The following AATF variants were observed in gnomAD, a reference collection of about 807,000 sequenced individuals.
AATF encodes protein AATF.
A neutral mutation model predicts 63.7 loss-of-function variants in AATF; 48 were observed. The ratio of observed to expected loss-of-function variants is 0.75; its 90% CI spans 0.60 to 0.96. The LOEUF is 0.96. AATF is among the 40% of genes least tolerant of loss of function. The probability of loss-of-function intolerance (pLI) is 0.00; values close to 1 mark genes in which losing one functional copy is unlikely to be tolerated. For synonymous variants in AATF, 258 were observed against 247.7 expected, an observed-to-expected ratio of 1.04 and a Z score of -0.39; for missense variants, 639 against 685.7, an observed-to-expected ratio of 0.93 and a Z score of 0.76.
intron 11 of AATF, among the ~76,000 whole-genome samples, chr17:37,033,268 T>C (rs909937776): frequency 1.3e-5 from 2 of 152,158 alleles, no homozygotes; most frequent in East Asian, 1.9e-4. Context: ...TGTTTAAAAA[T>C]TGCAGAGTAA....
intron 4 of AATF, among the ~76,000 whole-genome samples, chr17:36,956,751 C>T (rs1453577866): frequency 1.3e-5 from 2 of 151,764 alleles, no homozygotes; most frequent in Non-Finnish European, 1.5e-5. Context: ...CTGAGGCAGG[C>T]GGATCACTTT....
intron 4 of AATF, among the ~76,000 whole-genome samples, chr17:36,963,196 A>G (rs541243167): frequency 2.0e-5 from 3 of 152,326 alleles, no homozygotes; most frequent in African/African-American, 4.8e-5. Context: ...CACTTTATTC[A>G]GTGAGCGTAG....
intron 11 of AATF, chr17:37,056,381 C>T (rs1568001376): frequency 1.3e-5 from 7 of 537,828 alleles, no homozygotes; most frequent in South Asian, 1.3e-4. Context: ...TCCCTGGAGA[C>T]GGGTGTCCAG....
rs1043154371 is a variant in AATF at position 36,990,280 on chromosome 17, A to G, written c.1315-494A>G. ...TTTCCTAATGACCTCAAAGTATTCCATTGTATGGATATGCACTATCATTTA... is the reference window on the plus strand; with the variant it reads ...TTTCCTAATGACCTCAAAGTATTCCGTTGTATGGATATGCACTATCATTTA... On this transcript the variant is annotated intron_variant, in intron 7 of 11. Coordinates refer to ENST00000619387, the MANE Select transcript of AATF (RefSeq NM_012138.4). Among the ~76,000 whole-genome samples, 6 of 152,150 alleles carry G rather than the reference A, an allele frequency of 3.9e-5. No individual in the cohort carries two copies. In the South Asian group the frequency reaches 1.2e-3, roughly 32 times the overall value.
At chr17:37,010,143 G>C (rs989917155) in intron 8 of AATF, among the ~76,000 whole-genome samples, 4 of 152,058 alleles carry the variant, frequency 2.6e-5, no homozygotes, top group African/African-American at 7.2e-5. Flanking sequence ...ACACAGATAT[G>C]GTATTTTCTC....
At chr17:36,976,324 T>C (rs2071079770) in intron 4 of AATF, among the ~76,000 whole-genome samples, 1 of 152,184 alleles carries the variant, frequency 6.6e-6, no homozygotes, top group Non-Finnish European at 1.5e-5. Context: ...CCTCAAAGGA[T>C]TGTTAGAGGA....
At chr17:37,030,568 ACAT>A (rs2071544603) in intron 10 of AATF, among the ~76,000 whole-genome samples, 1 of 152,206 alleles carries the variant, frequency 6.6e-6, no homozygotes, top group East Asian at 1.9e-4. Flanking sequence ...CATCTCAAAC[ACAT>A]CATACAAAAT....
At chr17:36,994,041 A>G (rs1180730403) in intron 8 of AATF, among the ~76,000 whole-genome samples, 8 of 152,174 alleles carry the variant, frequency 5.3e-5, no homozygotes, top group African/African-American at 1.2e-4. Flanking sequence ...ATACATATGT[A>G]TGTGTGTGGG....
chr17:36,962,903 C>T, intron 4 of AATF, among the ~76,000 whole-genome samples: 1 of 152,156 alleles, frequency 6.6e-6, no homozygotes, highest in Non-Finnish European at 1.5e-5. Flanking sequence ...AGGCGAATCA[C>T]CTGAGGTCAG....
intron 4 of AATF, among the ~76,000 whole-genome samples, chr17:36,957,383 C>G (rs939861464): frequency 6.6e-6 from 1 of 152,308 alleles, no homozygotes; most frequent in Non-Finnish European, 1.5e-5. Context: ...TGGCAGTGTT[C>G]GACCATGTGA....
At chr17:36,994,380 T>G (rs17651851) in intron 8 of AATF, among the ~76,000 whole-genome samples, 6,065 of 152,326 alleles carry the variant, frequency 0.04, 162 homozygotes, top group Non-Finnish European at 0.064. Context: ...GGCAAATGAT[T>G]TATTGAGCTT....
intron 8 of AATF, among the ~76,000 whole-genome samples, chr17:37,018,275 G>A (rs1305885105): frequency 2.0e-5 from 3 of 152,232 alleles, no homozygotes; most frequent in African/African-American, 7.2e-5. Flanking sequence ...ACTGGGTGCA[G>A]AGGAGTCAGG....
intron 11 of AATF, among the ~76,000 whole-genome samples, chr17:37,041,618 G>A (rs1370376553): frequency 1.3e-5 from 2 of 152,006 alleles, no homozygotes. Context: ...TGATTCTCCT[G>A]CCTCAGCCTC....
intron 4 of AATF, among the ~76,000 whole-genome samples, chr17:36,955,308 G>A (rs1056816334): frequency 4.6e-5 from 7 of 152,234 alleles, no homozygotes; most frequent in African/African-American, 1.7e-4. Context: ...ATGTAATTAG[G>A]AATGGCTTCC....
At chr17:37,011,699 G>A (rs973401434) in intron 8 of AATF, among the ~76,000 whole-genome samples, 1 of 152,148 alleles carries the variant, frequency 6.6e-6, no homozygotes, top group African/African-American at 2.4e-5. Context: ...CACTGATACC[G>A]AGAAAAGAGT....
At chr17:37,012,059 A>AATT (rs1567983506) in intron 8 of AATF, among the ~76,000 whole-genome samples, 3 of 151,232 alleles carry the variant, frequency 2.0e-5, no homozygotes, top group Admixed American at 1.3e-4. Flanking sequence ...TTTTGGGGAT[A>AATT]ATTTTTTTTT....
intron 10 of AATF, among the ~76,000 whole-genome samples, chr17:37,026,692 C>A (rs2071513484): frequency 6.6e-6 from 1 of 152,174 alleles, no homozygotes; most frequent in African/African-American, 2.4e-5. Context: ...CCCAGTGTTA[C>A]ATAGTAAGTA....
At chr17:36,979,518 G>T (rs1016801505) in intron 4 of AATF, among the ~76,000 whole-genome samples, 1 of 152,058 alleles carries the variant, frequency 6.6e-6, no homozygotes, top group African/African-American at 2.4e-5. Context: ...TCTAGTTCTA[G>T]AGTTACTTTT....
chr17:36,949,070 G>T lies in AATF; in HGVS notation c.-56G>T. The T allele has an allele frequency of 6.9e-7, 1 of 1,443,164 alleles. No individual in the cohort carries two copies. The highest frequency in any genetic ancestry group is 1.2e-5 in the South Asian group (1 of 80,718). The allele number at this position is 1,443,164 out of a possible 1,614,324, so 89.4% of individuals were successfully genotyped here. A position where few individuals can be genotyped will look rare whatever the true frequency, so the allele number is the denominator to read the frequency against. ...CGGCAGGGAAGGAGCTTCGGGGCCGGGGGTTGGGCCGCACATTTACGTGCG... is the reference window on the plus strand; with the variant it reads ...CGGCAGGGAAGGAGCTTCGGGGCCGTGGGTTGGGCCGCACATTTACGTGCG... On this transcript the variant is annotated 5_prime_UTR_variant, in exon 1 of 12. Coordinates refer to ENST00000619387, the MANE Select transcript of AATF (RefSeq NM_012138.4).
Sources: gnomAD v4.1 joint callset for allele counts (sites outside exome capture counted in the v4.1 genomes callset) on GRCh38, gnomAD v4.1.1 for gene constraint, MANE v1.5 for transcripts, NCBI Gene and HGNC (gene_info 2026-07-23, HGNC 2026-07-21) for gene names.